The following DOCK9 variants were observed in gnomAD, a reference collection of about 807,000 sequenced individuals.
DOCK9 encodes dedicator of cytokinesis protein 9.
In DOCK9, 89 loss-of-function variants were observed where a neutral mutation model predicts 263.3. The ratio of observed to expected loss-of-function variants is 0.34; its 90% CI spans 0.28 to 0.40. The LOEUF (loss-of-function observed/expected upper bound fraction) is 0.40, where lower values mean the gene tolerates loss of function less well. Among genes scored for constraint, DOCK9 ranks in the 10% least tolerant of loss-of-function variants. The probability of loss-of-function intolerance (pLI) is 1.00; values close to 1 mark genes in which losing one functional copy is unlikely to be tolerated. For missense variants in DOCK9, 2,140 were observed against 2,603.4 expected (o/e 0.82, Z 3.87); for synonymous variants, 976 against 973.1 (o/e 1.00, Z -0.06).
chr13:98,867,036 G>T (rs1421616410), intron 30 of DOCK9: 1 of 416,444 alleles, frequency 2.4e-6, no homozygotes, highest in Non-Finnish European at 4.6e-6. Context: ...GAAAATGCAA[G>T]AAAGCAAGCG....
At chr13:99,053,396 A>G (rs2040790717) in intron 1 of DOCK9, among the ~76,000 whole-genome samples, 1 of 152,242 alleles carries the variant, frequency 6.6e-6, no homozygotes, top group African/African-American at 2.4e-5. Flanking sequence ...CAGCAACCTT[A>G]ATACATATTT....
intron 1 of DOCK9, among the ~76,000 whole-genome samples, chr13:99,069,427 G>A (rs1249241463): frequency 1.3e-5 from 2 of 152,188 alleles, no homozygotes; most frequent in Non-Finnish European, 2.9e-5. Flanking sequence ...CAAGCACGGA[G>A]GAGATCCATG....
chr13:99,087,789 T>A (rs778623143), upstream of DOCK9: 158 of 152,490 alleles, frequency 1.0e-3, no homozygotes, highest in Non-Finnish European at 2.0e-3. Context: ...TGCTGATTGG[T>A]CGGGCTGCTC....
At chr13:98,837,411 G>C in intron 39 of DOCK9, 83 bp downstream of exon 39, 1 of 891,468 alleles carries the variant, frequency 1.1e-6, no homozygotes, top group South Asian at 1.5e-5. Context: ...ATGCAACATA[G>C]TAAGTTTGTG....
At chr13:98,933,865 CTGTTGTTGTTGT>C (rs71724333) in intron 2 of DOCK9, among the ~76,000 whole-genome samples, 3,568 of 149,012 alleles carry the variant, frequency 0.024, 40 homozygotes, top group South Asian at 0.032. Context: ...AACCTAGCCT[CTGTTGTTGTTGT>C]TGTTGTTGTT....
chr13:98,886,734 C>T, intron 18 of DOCK9, 110 bp from the exon 19 acceptor site: 1 of 987,388 alleles, frequency 1.0e-6, no homozygotes. Context: ...TTAGCATCGC[C>T]ACCTCTGATG....
chr13:98,972,882 G>A (rs1479858292), intron 1 of DOCK9, among the ~76,000 whole-genome samples: 1 of 152,206 alleles, frequency 6.6e-6, no homozygotes, highest in Non-Finnish European at 1.5e-5. Flanking sequence ...GGGAGAGGGA[G>A]GGTTTTGATC....
chr13:98,887,543 G>T (rs1594989734), intron 18 of DOCK9, among the ~76,000 whole-genome samples: 1 of 144,370 alleles, frequency 6.9e-6, no homozygotes, highest in South Asian at 2.2e-4. Flanking sequence ...ATGAACCTGG[G>T]AGGCAGTGCT....
At chr13:98,907,817 G>A (rs1422629312) in intron 9 of DOCK9, among the ~76,000 whole-genome samples, 3 of 152,164 alleles carry the variant, frequency 2.0e-5, no homozygotes, top group Non-Finnish European at 4.4e-5. Flanking sequence ...TGTGGTTCAG[G>A]GGTAGCAGGA....
rs1566387440 is a variant in DOCK9, at chr13:99,071,305, G to GTTTTTTTTTTTTTTTT, written c.129+14917_129+14918insAAAAAAAAAAAAAAAA. ...CTACAGGTGCTTGCCACCATGCCTG[G>GTTTTTTTTTTTTTTTT]CTTTTTTTTTTTTTTTTTTTTTTTT... On this transcript the variant is annotated intron_variant, in intron 1 of 32. Coordinates refer to the DOCK9 transcript ENST00000427887. Among the ~76,000 whole-genome samples, 4 of 70,936 alleles carry GTTTTTTTTTTTTTTTT rather than the reference G, an allele frequency of 5.6e-5. 1 individual carries two copies. In the East Asian group the frequency reaches 2.0e-3, roughly 36 times the overall value. 46.5% of individuals were successfully genotyped at this position (70,936 alleles called of 152,430 possible). A position where few individuals can be genotyped will look rare whatever the true frequency, so the allele number is the denominator to read the frequency against.
At chr13:98,882,891 T>C (rs1354076975) in intron 23 of DOCK9, 151 bp downstream of exon 23, 17 of 635,738 alleles carry the variant, frequency 2.7e-5, no homozygotes, top group Non-Finnish European at 3.6e-5. Flanking sequence ...TAGGTCCACT[T>C]CTTACCACTA....
At chr13:98,849,932 G>GT in intron 36 of DOCK9, 115 bp downstream of exon 36, 1 of 735,612 alleles carries the variant, frequency 1.4e-6, no homozygotes, top group Non-Finnish European at 2.3e-6. Flanking sequence ...GGCTTAAGGA[G>GT]TAAGTGAGGA....
At chr13:98,807,534 C>G (rs1236660614) in intron 48 of DOCK9, 127 bp downstream of exon 48, 1 of 818,646 alleles carries the variant, frequency 1.2e-6, no homozygotes, top group East Asian at 3.1e-5. Flanking sequence ...GAAAATACAC[C>G]TGCCACTCAC....
chr13:98,914,533 C>T (rs878887875), intron 8 of DOCK9, 138 bp from the exon 9 acceptor site: 2 of 677,310 alleles, frequency 3.0e-6, no homozygotes, highest in African/African-American at 3.6e-5. Context: ...CTGGGAAACA[C>T]TTGGGGTGCT....
chr13:98,844,056 G>T (rs192407566), intron 38 of DOCK9, among the ~76,000 whole-genome samples: 1 of 152,320 alleles, frequency 6.6e-6, no homozygotes, highest in East Asian at 1.9e-4. Flanking sequence ...GAGCAAAGGA[G>T]GTCCAGCAGG....
Position 98,867,549 on chromosome 13 carries a change from G to T in DOCK9, c.3175-13C>A, listed in dbSNP as rs541395460. 1.3e-6 allele frequency: 2 copies of T among 1,504,612 alleles called. No individual in the cohort carries two copies. The highest frequency in any genetic ancestry group is 1.8e-6 in the Non-Finnish European group (2 of 1,086,968). 93.2% of individuals were successfully genotyped at this position (1,504,612 alleles called of 1,614,324 possible). A position where few individuals can be genotyped will look rare whatever the true frequency, so the allele number is the denominator to read the frequency against. On this transcript the variant is annotated splice_polypyrimidine_tract_variant and intron_variant, in intron 29 of 52. Coordinates refer to ENST00000682017, the MANE Select transcript of DOCK9 (RefSeq NM_001366683.2). ...ATTCAAAGAGGGTCTGCAGGAAGAA[G>T]TGTGTAGTCATAAATACCTCACTGG...
intron 33 of DOCK9, 86 bp from the exon 34 acceptor site, chr13:98,856,117 T>C: frequency 7.2e-7 from 1 of 1,394,630 alleles, no homozygotes; most frequent in Admixed American, 2.2e-5. Context: ...AAATTGCTTT[T>C]ATTGCACTTA....
intron 6 of DOCK9, among the ~76,000 whole-genome samples, 166 bp downstream of exon 6, chr13:98,921,885 G>A (rs1434169316): frequency 2.6e-5 from 4 of 152,188 alleles, no homozygotes; most frequent in African/African-American, 9.7e-5. Flanking sequence ...GTGGGTGGAT[G>A]AGGCTGTGCC....
At chr13:98,797,366 A>C (rs2089552459) in intron 51 of DOCK9, 23 bp downstream of exon 51, 1 of 1,611,024 alleles carries the variant, frequency 6.2e-7, no homozygotes, top group African/African-American at 1.3e-5. Context: ...CGAAGAGAAA[A>C]AGATGCTTTC....
Sources: allele counts gnomAD v4.1 joint callset (sites outside exome capture counted in the v4.1 genomes callset), GRCh38; gene constraint gnomAD v4.1.1; transcripts MANE v1.5; gene names NCBI Gene and HGNC (gene_info 2026-07-23, HGNC 2026-07-21).